FAM13A: variants seen among roughly 807,000 people sequenced by gnomAD.
The protein encoded by FAM13A is family with sequence similarity 13 member A, also known as protein FAM13A.
A neutral mutation model predicts 129.6 loss-of-function variants in FAM13A; 76 were observed. The observed-to-expected ratio is 0.59, with a 90% confidence interval of 0.49 to 0.71. FAM13A has a LOEUF of 0.71. Ranked by LOEUF, FAM13A falls within the 30% of genes least tolerant of loss-of-function variation. The probability of loss-of-function intolerance (pLI) is 0.00; values close to 1 mark genes in which losing one functional copy is unlikely to be tolerated. For missense variants in FAM13A, 1,108 were observed against 1,249.3 expected, an observed-to-expected ratio of 0.89 and a Z score of 1.70; for synonymous variants, 443 against 449.9, an observed-to-expected ratio of 0.98 and a Z score of 0.20.
Position 88,727,821 on chromosome 4 carries a change from T to G in FAM13A, c.*712A>C, listed in dbSNP as rs1736733462. 1 of 152,288 alleles carries G rather than the reference T, an allele frequency of 6.6e-6. No homozygotes were observed. The highest frequency in any genetic ancestry group is 6.5e-5 in the Admixed American group (1 of 15,288). The allele number at this position is 152,288 out of a possible 1,614,324, so 9.4% of individuals were successfully genotyped here. ...CATTCATACAGCTGCTTACCATCTCTCTGTCCTCTGCAGATGACCCGGTCC... is the reference window on the plus strand; with the variant it reads ...CATTCATACAGCTGCTTACCATCTCGCTGTCCTCTGCAGATGACCCGGTCC... On this transcript the variant is annotated 3_prime_UTR_variant, in exon 24 of 24. Transcript: ENST00000264344.
intron 8 of FAM13A, among the ~76,000 whole-genome samples, chr4:88,803,013 T>C (rs996158952): frequency 6.6e-6 from 1 of 152,198 alleles, no homozygotes; most frequent in Admixed American, 6.5e-5. Flanking sequence ...CTCTTTATGC[T>C]GGACCTTTCA....
At chr4:88,865,619 T>G (rs1002539368) in intron 6 of FAM13A, among the ~76,000 whole-genome samples, 17 of 152,232 alleles carry the variant, frequency 1.1e-4, no homozygotes, top group Admixed American at 1.0e-3. Context: ...CATTAGGAGC[T>G]GGCAAACTTT....
At chr4:88,916,820 T>C (rs1025547614) in intron 5 of FAM13A, among the ~76,000 whole-genome samples, 6 of 152,200 alleles carry the variant, frequency 3.9e-5, no homozygotes, top group Non-Finnish European at 7.3e-5. Context: ...CAAGAGTGTA[T>C]CATAGTTTAA....
intron 7 of FAM13A, among the ~76,000 whole-genome samples, chr4:88,837,458 G>A (rs1203446144): frequency 6.6e-6 from 1 of 150,808 alleles, no homozygotes; most frequent in African/African-American, 2.4e-5. Flanking sequence ...GCTCACGCCT[G>A]TAATCCCACC....
intron 5 of FAM13A, among the ~76,000 whole-genome samples, chr4:88,933,895 A>G (rs1044987115): frequency 7.2e-5 from 11 of 152,196 alleles, no homozygotes; most frequent in African/African-American, 2.4e-4. Context: ...AGTAAAAGTC[A>G]AAGTCCTCAA....
At chr4:88,808,979 T>C (rs1005549730) in intron 7 of FAM13A, among the ~76,000 whole-genome samples, 12 of 152,142 alleles carry the variant, frequency 7.9e-5, no homozygotes, top group African/African-American at 2.9e-4. Flanking sequence ...TATTTTTATC[T>C]ACGTTTTAGC....
At chr4:88,755,178 A>T (rs756124708) in intron 14 of FAM13A, among the ~76,000 whole-genome samples, 27 of 152,182 alleles carry the variant, frequency 1.8e-4, no homozygotes, top group Non-Finnish European at 3.7e-4. Context: ...AGGACCTAGT[A>T]ATACCAATTC....
intron 7 of FAM13A, among the ~76,000 whole-genome samples, chr4:88,848,103 TAA>T (rs1206313402): frequency 2.0e-5 from 3 of 152,366 alleles, no homozygotes; most frequent in Admixed American, 2.0e-4. Flanking sequence ...ACTCTGATTT[TAA>T]AGAGGACCAG....
chr4:88,961,443 T>C (rs1186807583), intron 4 of FAM13A, among the ~76,000 whole-genome samples: 1 of 139,394 alleles, frequency 7.2e-6, no homozygotes, highest in East Asian at 2.3e-4. Context: ...TCTCAGTTCA[T>C]TGCAACCTCC....
intron 16 of FAM13A, among the ~76,000 whole-genome samples, chr4:88,749,410 A>AC (rs2149468286): frequency 6.6e-6 from 1 of 152,342 alleles, no homozygotes; most frequent in South Asian, 2.1e-4. Context: ...CTCTTGTGGT[A>AC]CAGAGCTGAC....
At chr4:89,041,678 T>G (rs1770154176) in intron 1 of FAM13A, among the ~76,000 whole-genome samples, 1 of 152,096 alleles carries the variant, frequency 6.6e-6, no homozygotes, top group Non-Finnish European at 1.5e-5. Context: ...CTCAGCACTT[T>G]GGGAAGCCGA....
chr4:89,020,521 C>G lies in FAM13A; in HGVS notation c.366G>C (p.Arg122Ser). ...SAASLLKLFL[R>S]ELPDSLITSA... ...AGGTGATCAGACTGTCAGGCAGCTC[C>G]CTCAGAAACAGCTTCAACAGACTGG... The change falls in exon 3 of 24, where the codon AGG becomes AGC. Residue 122 changes from arginine (R) to serine (S), a missense_variant. Coordinates refer to ENST00000264344, the MANE Select transcript of FAM13A (RefSeq NM_014883.4). 6.2e-7 allele frequency: 1 copy of G among 1,614,042 alleles called. No individual in the cohort carries two copies. The highest frequency in any genetic ancestry group is 8.5e-7 in the Non-Finnish European group (1 of 1,179,998).
At chr4:88,964,756 T>C (rs1047009055) in intron 4 of FAM13A, among the ~76,000 whole-genome samples, 1 of 151,046 alleles carries the variant, frequency 6.6e-6, no homozygotes, top group African/African-American at 2.4e-5. Flanking sequence ...GCCTCTGGAG[T>C]AGCTAAGATC....
intron 7 of FAM13A, among the ~76,000 whole-genome samples, chr4:88,846,350 T>C (rs1302176710): frequency 6.6e-6 from 1 of 152,236 alleles, no homozygotes; most frequent in Non-Finnish European, 1.5e-5. Flanking sequence ...TCAATAACTT[T>C]TGATGACAGT....
intron 3 of FAM13A, among the ~76,000 whole-genome samples, chr4:88,999,795 TGTTC>T (rs1411618742): frequency 6.6e-6 from 1 of 152,186 alleles, no homozygotes; most frequent in African/African-American, 2.4e-5. Context: ...GTAAAGCAGG[TGTTC>T]AAAACACGGC....
chr4:89,008,811 A>C (rs1765384896), intron 3 of FAM13A: 1 of 152,226 alleles, frequency 6.6e-6, no homozygotes, highest in Non-Finnish European at 1.5e-5. Flanking sequence ...GAAATATATA[A>C]AATTAGCTTA....
At chr4:88,834,199 G>A (rs577535735) in intron 7 of FAM13A, among the ~76,000 whole-genome samples, 9 of 132,988 alleles carry the variant, frequency 6.8e-5, no homozygotes, top group East Asian at 6.3e-4. Context: ...GGCGTGAGCC[G>A]CCATGCCTGG....
intron 8 of FAM13A, among the ~76,000 whole-genome samples, chr4:88,799,207 G>C (rs1297656503): frequency 2.6e-5 from 4 of 152,176 alleles, no homozygotes; most frequent in Non-Finnish European, 5.9e-5. Flanking sequence ...CAGTTATACT[G>C]TTGGTCTGGT....
intron 5 of FAM13A, among the ~76,000 whole-genome samples, chr4:88,909,093 A>C (rs1748617725): frequency 6.6e-6 from 1 of 152,236 alleles, no homozygotes; most frequent in Admixed American, 6.5e-5. Context: ...ATTTGTACAT[A>C]TGTATCTGAG....
Sources: gnomAD v4.1 joint callset for allele counts (sites outside exome capture counted in the v4.1 genomes callset) on GRCh38, gnomAD v4.1.1 for gene constraint, MANE v1.5 for transcripts, NCBI Gene and HGNC (gene_info 2026-07-23, HGNC 2026-07-21) for gene names.